Variants in TUSC3 observed in about 807,000 individuals in gnomAD.
TUSC3 encodes the protein dolichyl-diphosphooligosaccharide--protein glycosyltransferase subunit TUSC3.
A neutral mutation model predicts 44.8 loss-of-function variants in TUSC3; 45 were observed. That is an observed-to-expected ratio of 1.00 (90% CI 0.79 to 1.29). The LOEUF (loss-of-function observed/expected upper bound fraction) is 1.29. TUSC3 is among the 50% of genes most tolerant of loss of function. The pLI, the probability that TUSC3 is intolerant of heterozygous loss-of-function variation, is 0.00. For missense variants in TUSC3, 519 were observed against 437.9 expected, an observed-to-expected ratio of 1.19 and a Z score of -1.65; for synonymous variants, 212 against 152.9, an observed-to-expected ratio of 1.39 and a Z score of -2.85.
the TUSC3 span, among the ~76,000 whole-genome samples, chr8:15,805,359 A>G: frequency 6.6e-6 from 1 of 152,134 alleles, no homozygotes; most frequent in Non-Finnish European, 1.5e-5. Context: ...AAAGACTTCC[A>G]GTACTATGTT....
At chr8:15,456,449 A>G (rs1800257488) in intron 1 of TUSC3, among the ~76,000 whole-genome samples, 1 of 152,208 alleles carries the variant, frequency 6.6e-6, no homozygotes, top group African/African-American at 2.4e-5. Flanking sequence ...AGAGATAATA[A>G]TAGCCAAGAC....
chr8:15,614,599 T>A (rs532280311), intron 1 of TUSC3, among the ~76,000 whole-genome samples: 1 of 152,328 alleles, frequency 6.6e-6, no homozygotes, highest in South Asian at 2.1e-4. Flanking sequence ...CTGAGGCTTA[T>A]CCATGTCGTG....
intron 2 of TUSC3, among the ~76,000 whole-genome samples, chr8:15,486,099 G>T (rs1800729333): frequency 6.6e-6 from 1 of 152,092 alleles, no homozygotes; most frequent in Non-Finnish European, 1.5e-5. Context: ...AGCTTACTCT[G>T]TTGTCTTTAA....
At chr8:15,828,977 T>A in the TUSC3 span, among the ~76,000 whole-genome samples, 31 of 152,164 alleles carry the variant, frequency 2.0e-4, no homozygotes, top group Admixed American at 9.2e-4. Context: ...AAAACATGAA[T>A]TGGAAAAAGT....
chr8:15,681,460 C>G (rs1012782271), intron 6 of TUSC3, among the ~76,000 whole-genome samples: 11 of 151,634 alleles, frequency 7.3e-5, no homozygotes, highest in Admixed American at 2.6e-4. Flanking sequence ...TTTTGTGCAA[C>G]AAGGTATTAA....
chr8:15,479,939 C>A (rs112467365), intron 1 of TUSC3, among the ~76,000 whole-genome samples: 1 of 152,140 alleles, frequency 6.6e-6, no homozygotes, highest in Non-Finnish European at 1.5e-5. Flanking sequence ...AGCTGATGAG[C>A]AACTTCAGCA....
the TUSC3 span, among the ~76,000 whole-genome samples, chr8:15,780,762 A>G: frequency 6.6e-6 from 1 of 152,022 alleles, no homozygotes; most frequent in African/African-American, 2.4e-5. Context: ...GGCAATGAGC[A>G]CCCCAGCTTT....
intron 1 of TUSC3, among the ~76,000 whole-genome samples, chr8:15,585,519 C>G (rs760073727): frequency 3.0e-4 from 46 of 152,214 alleles, no homozygotes; most frequent in Non-Finnish European, 5.3e-4. Flanking sequence ...CAGTTGAATG[C>G]AAAGGCTTTT....
chr8:15,544,306 A>G (rs1463899726), intron 1 of TUSC3, among the ~76,000 whole-genome samples: 2 of 146,548 alleles, frequency 1.4e-5, no homozygotes, highest in Non-Finnish European at 3.1e-5. Context: ...GTTTTAATTT[A>G]TAATGACCTC....
At chr8:15,501,032 G>A (rs764438995) in intron 2 of TUSC3, among the ~76,000 whole-genome samples, 59 of 151,918 alleles carry the variant, frequency 3.9e-4, no homozygotes, top group Admixed American at 2.6e-4. Flanking sequence ...TTGTATTCTT[G>A]CTATCTTCCT....
chr8:15,576,480 G>A (rs1343998350), intron 1 of TUSC3, among the ~76,000 whole-genome samples: 1 of 95,484 alleles, frequency 1.0e-5, no homozygotes, highest in African/African-American at 4.2e-5. Flanking sequence ...CCCCACCACA[G>A]TCCCCAGAGT....
intron 2 of TUSC3, among the ~76,000 whole-genome samples, chr8:15,627,742 G>T (rs910679156): frequency 7.2e-5 from 11 of 152,228 alleles, no homozygotes; most frequent in African/African-American, 1.9e-4. Context: ...GTCTCTTCCA[G>T]TTCCTGGAGC....
At chr8:15,577,919 T>C (rs62504218) in intron 1 of TUSC3, among the ~76,000 whole-genome samples, 64,359 of 149,146 alleles carry the variant, frequency 0.43, 15,323 homozygotes, top group East Asian at 0.62. Context: ...CGGCCATTTT[T>C]ATGATACTGA....
the TUSC3 span, among the ~76,000 whole-genome samples, chr8:15,787,283 CTAAT>C: frequency 2.0e-5 from 3 of 152,144 alleles, no homozygotes; most frequent in East Asian, 1.9e-4. Context: ...ATCATGCACA[CTAAT>C]TAAAGAATGA....
intron 2 of TUSC3, among the ~76,000 whole-genome samples, chr8:15,501,672 A>G (rs1485945862): frequency 6.6e-6 from 1 of 152,170 alleles, no homozygotes; most frequent in Non-Finnish European, 1.5e-5. Flanking sequence ...GAGGCTACAT[A>G]TTACTCTCTT....
rs564887844 is a variant in TUSC3, at chr8:15,596,474, C to T, written c.139-26606C>T. On this transcript the variant is annotated intron_variant, in intron 1 of 10. Coordinates refer to ENST00000503731, the MANE Select transcript of TUSC3 (RefSeq NM_006765.4). ...GCCAACTTTTCTTATATGCATGTTCCGCAAGACCAACTGCAGGGCTTGAGT... is the reference window on the plus strand; with the variant it reads ...GCCAACTTTTCTTATATGCATGTTCTGCAAGACCAACTGCAGGGCTTGAGT... Among the ~76,000 whole-genome samples, 6 of 152,164 alleles carry T rather than the reference C, an allele frequency of 3.9e-5. No homozygotes were observed. The East Asian group carries it at 5.8e-4, about 15-fold the overall frequency.
chr8:15,713,354 T>C (rs529857777), intron 6 of TUSC3, among the ~76,000 whole-genome samples: 27 of 152,196 alleles, frequency 1.8e-4, no homozygotes, highest in Non-Finnish European at 3.7e-4. Flanking sequence ...TAAAATTACA[T>C]TTTTAAAAGT....
Position 15,696,260 on chromosome 8 carries a change from A to T in TUSC3, c.798+22424A>T, listed in dbSNP as rs373008590. Reference sequence around the variant, plus strand: ...CATCCTTGCTGCTCCAGCTGAGACTAGAACGGGCCAAGGTACAGCTCGGGA... The same window carrying T: ...CATCCTTGCTGCTCCAGCTGAGACTTGAACGGGCCAAGGTACAGCTCGGGA... On this transcript the variant is annotated intron_variant, in intron 6 of 10. Coordinates refer to ENST00000503731, the MANE Select transcript of TUSC3 (RefSeq NM_006765.4). Among the ~76,000 whole-genome samples the T allele has an allele frequency of 3.9e-3, 601 of 152,224 alleles. 4 individuals are homozygous for T. The highest frequency in any genetic ancestry group is 0.014 in the African/African-American group (576 of 41,550).
At chr8:15,450,509 C>G (rs10104142) in intron 1 of TUSC3, among the ~76,000 whole-genome samples, 17,216 of 151,976 alleles carry the variant, frequency 0.11, 1,771 homozygotes, top group African/African-American at 0.28. Context: ...GATGGTGAAA[C>G]CCCATCTCTA....
Sources: gnomAD v4.1 joint callset for allele counts (sites outside exome capture counted in the v4.1 genomes callset) on GRCh38, gnomAD v4.1.1 for gene constraint, MANE v1.5 for transcripts, NCBI Gene and HGNC (gene_info 2026-07-23, HGNC 2026-07-21) for gene names.